Variants in CEP290 observed in about 807,000 individuals in gnomAD.
The protein encoded by CEP290 is centrosomal protein of 290 kDa.
In CEP290, 317 loss-of-function variants were observed where a neutral mutation model predicts 344.9. The ratio of observed to expected loss-of-function variants is 0.92; its 90% CI spans 0.84 to 1.01. CEP290 has a LOEUF of 1.01. Ranked by LOEUF, CEP290 falls within the 50% of genes least tolerant of loss-of-function variation. CEP290 has a pLI of 0.00. For missense variants in CEP290, 2,754 were observed against 2,761.4 expected, an observed-to-expected ratio of 1.00 and a Z score of 0.06; for synonymous variants, 932 against 895.8, an observed-to-expected ratio of 1.04 and a Z score of -0.72.
chr12:88,114,316 A>G, intron 20 of CEP290, 104 bp downstream of exon 20: 3 of 903,854 alleles, frequency 3.3e-6, no homozygotes, highest in Non-Finnish European at 4.7e-6. Flanking sequence ...ACAATGATTC[A>G]AATGACTAAA....
intron 43 of CEP290, among the ~76,000 whole-genome samples, chr12:88,068,948 A>AT (rs1452999037): frequency 2.6e-5 from 4 of 152,180 alleles, no homozygotes; most frequent in African/African-American, 9.6e-5. Context: ...ATGGAATTAC[A>AT]TAAGACAGTT....
rs561598805 is a variant in CEP290 at position 88,071,860 on chromosome 12, G to T, written c.5776C>A (p.Arg1926=). 9.4e-6 allele frequency: 15 copies of T among 1,602,288 alleles called. No individual in the cohort carries two copies. The East Asian group carries it at 3.2e-4, about 34-fold the overall frequency. ...CCCTCTTTCTCTTTTAACTTGTTTC[G>T]AATTCCTTCTATTTTGGCTTGCCAC... ...KKWQAKIEGI[R]NKLKEKEGEV... Residue 1926 remains arginine, a synonymous_variant, in exon 42 of 54, where the codon CGA becomes AGA. Coordinates refer to ENST00000552810, the MANE Select transcript of CEP290 (RefSeq NM_025114.4).
At chr12:88,107,607 AG>A (rs990256618) in intron 23 of CEP290, among the ~76,000 whole-genome samples, 4 of 151,270 alleles carry the variant, frequency 2.6e-5, no homozygotes, top group African/African-American at 9.7e-5. Context: ...AAGTGTTCTT[AG>A]TGCAAAAAAA....
Position 88,111,700 on chromosome 12 carries a change from A to G in CEP290, c.2211T>C (p.Asn737=), listed in dbSNP as rs763182158. The change falls in exon 21 of 54, where the codon AAT becomes AAC. Residue 737 remains asparagine (N), a synonymous_variant. Coordinates refer to ENST00000552810, the MANE Select transcript of CEP290 (RefSeq NM_025114.4). ...TATTTAATAAAATTCTCACCTTTAA[A>G]TTAGCTTTTGCCAACTGCTGTGAAT... The part of the protein sequence containing the change: ...INYSQQLAKA[N]LKIDHLEKET... 7.0e-6 allele frequency: 11 copies of G among 1,577,280 alleles called. No homozygotes were observed. The East Asian group carries it at 2.3e-4, about 34-fold the overall frequency.
chr12:88,107,171 A>G, intron 23 of CEP290, 73 bp from the exon 24 acceptor site: 1 of 945,300 alleles, frequency 1.1e-6, no homozygotes, highest in South Asian at 1.9e-5. Context: ...ATAACTTCAG[A>G]TTATGCAAAT....
At chr12:88,115,650 G>A (rs2038994476) in intron 18 of CEP290, 1 of 1,016,184 alleles carries the variant, frequency 9.8e-7, no homozygotes, top group Non-Finnish European at 1.3e-6. Flanking sequence ...AAAGTACAAT[G>A]TGTATAACTG....
chr12:88,080,328 G>C lies in CEP290; in HGVS notation c.5080C>G (p.Leu1694Val). 1 of 1,613,740 alleles carries C rather than the reference G, an allele frequency of 6.2e-7. No homozygotes were observed. Among genetic ancestry groups the C allele is most frequent in the Non-Finnish European group, 8.5e-7 (1 of 1,179,754 alleles). Residue 1694 changes from leucine to valine, a missense_variant, in exon 38 of 54, where the codon CTG becomes GTG. By Grantham distance (32) the Leu-to-Val change is conservative. Coordinates refer to ENST00000552810, the MANE Select transcript of CEP290 (RefSeq NM_025114.4). The stretch of plus-strand genomic sequence containing the variant: ...TGTGACTCCTTTTGTGACTGGTCCA[G>C]AAGATACTTTAAATCCTCTACTTCC... ...KAEVEDLKYL[L>V]DQSQKESQCL...
intron 30 of CEP290, among the ~76,000 whole-genome samples, chr12:88,089,907 A>C (rs1364073615): frequency 1.3e-5 from 2 of 151,950 alleles, no homozygotes; most frequent in Admixed American, 6.6e-5. Context: ...TTGTATTTTT[A>C]GTAGGGACGG....
chr12:88,111,640 A>T lies in CEP290; in HGVS notation c.2217+54T>A, dbSNP rs999757033. On this transcript the variant is annotated intron_variant, in intron 21 of 53. Coordinates refer to ENST00000552810, the MANE Select transcript of CEP290 (RefSeq NM_025114.4). Reference sequence around the variant, plus strand: ...CTTTTTAAAAAATTAAAAATTTCCTATTAAATCTACATTCTTATGTTTAGC... The same window carrying T: ...CTTTTTAAAAAATTAAAAATTTCCTTTTAAATCTACATTCTTATGTTTAGC... 2.8e-6 allele frequency: 4 copies of T among 1,429,744 alleles called. No homozygotes were observed. The East Asian group carries it at 1.1e-4, about 38-fold the overall frequency. 88.6% of individuals were successfully genotyped at this position (1,429,744 alleles called of 1,614,324 possible). A position where few individuals can be genotyped will look rare whatever the true frequency, so the allele number is the denominator to read the frequency against.
In CEP290 at chr12:88,087,810, ACTG is replaced by A; in HGVS notation, c.4161_4163del (p.Ser1388del). 1 of 1,288,894 alleles carries A rather than the reference ACTG, an allele frequency of 7.8e-7. No homozygotes were observed. The highest frequency in any genetic ancestry group is 1.0e-6 in the Non-Finnish European group (1 of 999,938). 79.8% of individuals were successfully genotyped at this position (1,288,894 alleles called of 1,614,324 possible). ...TCTGTTGCACAATTTCTTCTTCAAG[ACTG>A]CTGATTGTACGTTCATATTCAGAAA... On this transcript the variant is annotated inframe_deletion, in exon 32 of 54. Coordinates refer to ENST00000552810, the MANE Select transcript of CEP290 (RefSeq NM_025114.4).
At position 88,089,495 on chromosome 12, in the gene CEP290, TA is replaced by T. The variant is rs10717563; in HGVS notation, c.3574-9del. The T allele has an allele frequency of 0.94, 1,304,025 of 1,394,602 alleles. 612,128 individuals carry two copies. The highest frequency in any genetic ancestry group is 0.99 in the East Asian group (38,308 of 38,606). 86.4% of individuals were successfully genotyped at this position (1,394,602 alleles called of 1,614,324 possible). A position where few individuals can be genotyped will look rare whatever the true frequency, so the allele number is the denominator to read the frequency against. On this transcript the variant is annotated splice_polypyrimidine_tract_variant and intron_variant, in intron 30 of 53. Coordinates refer to ENST00000552810, the MANE Select transcript of CEP290 (RefSeq NM_025114.4). ...CTTTTCATCAGACTGTGCCTGATATTAAAAAAAATATATATTTGTAGTAAGT... is the reference window on the plus strand; with the variant it reads ...CTTTTCATCAGACTGTGCCTGATATTAAAAAAATATATATTTGTAGTAAGT...
At chr12:88,071,696 T>C in intron 42 of CEP290, 85 bp downstream of exon 42, 1 of 1,072,060 alleles carries the variant, frequency 9.3e-7, no homozygotes, top group Non-Finnish European at 1.3e-6. Context: ...ATTTCTCATA[T>C]TATCAACTAT....
intron 18 of CEP290, chr12:88,115,795 G>A (rs1349123092): frequency 3.9e-5 from 38 of 983,656 alleles, no homozygotes; most frequent in Admixed American, 1.2e-4. Context: ...AGCTCTCTCC[G>A]TAACTGTTCT....
chr12:88,140,881 T>G (rs913087316), intron 3 of CEP290, 75 bp downstream of exon 3: 2 of 913,388 alleles, frequency 2.2e-6, no homozygotes, highest in Non-Finnish European at 3.3e-6. Flanking sequence ...TTCACAAAGA[T>G]TACCTTATAT....
intron 52 of CEP290, among the ~76,000 whole-genome samples, chr12:88,052,330 A>G (rs1053264914): frequency 1.3e-5 from 2 of 152,168 alleles, no homozygotes; most frequent in Non-Finnish European, 2.9e-5. Context: ...AGCAAACTAA[A>G]TATCCATCAA....
intron 30 of CEP290, among the ~76,000 whole-genome samples, chr12:88,089,726 G>GTT (rs1185071952): frequency 2.0e-4 from 26 of 130,878 alleles, no homozygotes; most frequent in South Asian, 2.5e-4. Context: ...TGTTACTGGT[G>GTT]TTTTTTTTTT....
chr12:88,077,166 T>C (rs1459941616), intron 41 of CEP290, 56 bp downstream of exon 41: 3 of 1,522,560 alleles, frequency 2.0e-6, no homozygotes, highest in African/African-American at 2.8e-5. Context: ...CAGCTATGTA[T>C]TTAACTTACT....
At chr12:88,131,575 T>A (rs1216562029) in intron 6 of CEP290, among the ~76,000 whole-genome samples, 1 of 152,104 alleles carries the variant, frequency 6.6e-6, no homozygotes, top group Non-Finnish European at 1.5e-5. Context: ...CAGCAGTAAT[T>A]TAATATAAAG....
At position 88,120,715 on chromosome 12, in the gene CEP290, C is replaced by T. The variant is rs1460888576; in HGVS notation, c.1359+282G>A. Reference sequence around the variant, plus strand: ...AAATTGGCCAGTGGTGTCACATCTACATGGTGGCCCAATGAACACAGATAA... The same window carrying T: ...AAATTGGCCAGTGGTGTCACATCTATATGGTGGCCCAATGAACACAGATAA... On this transcript the variant is annotated intron_variant, in intron 14 of 53. Coordinates refer to ENST00000552810, the MANE Select transcript of CEP290 (RefSeq NM_025114.4). Among the ~76,000 whole-genome samples the T allele has an allele frequency of 2.0e-5, 3 of 152,154 alleles. No individual in the cohort carries two copies. In the East Asian group the frequency reaches 5.8e-4, roughly 29 times the overall value.
Sources: gnomAD v4.1 joint callset for allele counts (sites outside exome capture counted in the v4.1 genomes callset) on GRCh38, gnomAD v4.1.1 for gene constraint, MANE v1.5 for transcripts, NCBI Gene and HGNC (gene_info 2026-07-23, HGNC 2026-07-21) for gene names.